Variants in DOCK1 observed in about 807,000 individuals in gnomAD.
DOCK1 encodes the protein dedicator of cytokinesis protein 1.
DOCK1 carries 138 observed loss-of-function variants against 262.7 expected under a neutral mutation model. The ratio of observed to expected loss-of-function variants is 0.53; its 90% CI spans 0.46 to 0.61. The LOEUF (loss-of-function observed/expected upper bound fraction) is 0.61. DOCK1 is among the 20% of genes least tolerant of loss of function. The probability of loss-of-function intolerance (pLI) is 0.00; values close to 1 mark genes in which losing one functional copy is unlikely to be tolerated. For missense variants in DOCK1, 1,908 were observed against 2,370.7 expected (o/e 0.80, Z 4.05); for synonymous variants, 866 against 867.4 (o/e 1.00, Z 0.03).
At chr10:126,906,820 C>G (rs2030948727) in intron 1 of DOCK1, among the ~76,000 whole-genome samples, 1 of 152,204 alleles carries the variant, frequency 6.6e-6, no homozygotes, top group South Asian at 2.1e-4. Flanking sequence ...ACAGTATGCC[C>G]TGACCACGGA....
rs1413100110 is a variant in DOCK1 at position 127,196,725 on chromosome 10, A to AGG, written c.2848-51283_2848-51282insGG. On this transcript the variant is annotated intron_variant, in intron 27 of 51. Coordinates refer to ENST00000623213, the MANE Select transcript of DOCK1 (RefSeq NM_001290223.2). ...CCGCCAGAGCTGGAGGAGGAGGAGGAAGAGGAGGAGGAGGTGGAAGGAGCT... is the reference window on the plus strand; with the variant it reads ...CCGCCAGAGCTGGAGGAGGAGGAGGAGGAGAGGAGGAGGAGGTGGAAGGAGCT... Among the ~76,000 whole-genome samples, 23 of 103,284 alleles carry AGG rather than the reference A, an allele frequency of 2.2e-4. No homozygotes were observed. In the East Asian group the frequency reaches 7.7e-3, roughly 34 times the overall value. 67.8% of individuals were successfully genotyped at this position (103,284 alleles called of 152,430 possible). A position where few individuals can be genotyped will look rare whatever the true frequency, so the allele number is the denominator to read the frequency against.
intron 27 of DOCK1, chr10:127,137,834 G>A: frequency 6.2e-7 from 1 of 1,612,666 alleles, no homozygotes; most frequent in Non-Finnish European, 8.5e-7. Context: ...GACACCGTGA[G>A]TGTTAAAGGA....
chr10:127,082,878 C>T (rs1009248922), intron 23 of DOCK1, among the ~76,000 whole-genome samples: 3 of 152,186 alleles, frequency 2.0e-5, no homozygotes, highest in South Asian at 4.1e-4. Context: ...AACGACTGCT[C>T]ATTTTCCTGG....
chr10:127,433,022 C>G (rs1260094737), intron 47 of DOCK1, among the ~76,000 whole-genome samples: 1 of 152,210 alleles, frequency 6.6e-6, no homozygotes, highest in Admixed American at 6.5e-5. Context: ...GCATCGCGGT[C>G]TTTGAAGAAA....
intron 29 of DOCK1, among the ~76,000 whole-genome samples, chr10:127,325,771 C>T (rs2062722426): frequency 6.6e-6 from 1 of 152,230 alleles, no homozygotes; most frequent in Non-Finnish European, 1.5e-5. Flanking sequence ...ATGAGTAATT[C>T]GTTTACGAGG....
At chr10:127,120,661 C>T (rs2049501810) in intron 25 of DOCK1, among the ~76,000 whole-genome samples, 2 of 152,260 alleles carry the variant, frequency 1.3e-5, no homozygotes, top group South Asian at 4.1e-4. Flanking sequence ...GATTCACATA[C>T]CCCAATTGTT....
intron 29 of DOCK1, among the ~76,000 whole-genome samples, chr10:127,280,670 G>A (rs1309033457): frequency 6.6e-6 from 1 of 152,206 alleles, no homozygotes; most frequent in Non-Finnish European, 1.5e-5. Context: ...GCAGAGGCAA[G>A]CTACGTGCAG....
At chr10:126,908,137 GA>G (rs1564975222) in intron 1 of DOCK1, among the ~76,000 whole-genome samples, 1 of 149,514 alleles carries the variant, frequency 6.7e-6, no homozygotes, top group African/African-American at 2.4e-5. Flanking sequence ...GGGAGGGTGG[GA>G]GGGGAGCTGA....
At chr10:126,952,143 T>A (rs2036305104) in intron 1 of DOCK1, among the ~76,000 whole-genome samples, 1 of 152,062 alleles carries the variant, frequency 6.6e-6, no homozygotes, top group Non-Finnish European at 1.5e-5. Flanking sequence ...CTACCATGCC[T>A]GGCCAGCCTC....
chr10:127,000,429 A>G, intron 10 of DOCK1, 122 bp downstream of exon 10: 2 of 1,363,468 alleles, frequency 1.5e-6, no homozygotes, highest in South Asian at 3.3e-5. Context: ...TCTGCTGGAG[A>G]GAAAAAATAT....
chr10:127,236,659 G>C (rs1031991252), intron 27 of DOCK1, among the ~76,000 whole-genome samples: 5 of 151,384 alleles, frequency 3.3e-5, no homozygotes, highest in African/African-American at 1.2e-4. Flanking sequence ...CCATGAATAT[G>C]GTATATTCCT....
At chr10:126,942,050 A>C (rs994976738) in intron 1 of DOCK1, among the ~76,000 whole-genome samples, 30 of 151,440 alleles carry the variant, frequency 2.0e-4, no homozygotes, top group Non-Finnish European at 4.0e-4. Flanking sequence ...TTTGAGACGG[A>C]GTCTCGCTCT....
At chr10:127,442,256 A>G (rs10765096) in intron 49 of DOCK1, among the ~76,000 whole-genome samples, 49,275 of 151,904 alleles carry the variant, frequency 0.32, 8,527 homozygotes, top group East Asian at 0.56. Flanking sequence ...GCCCTGGCAC[A>G]GCTGACTCCT....
chr10:127,450,502 GTTTATTCACTCATTCA>G (rs528867796), intron 51 of DOCK1, among the ~76,000 whole-genome samples: 105 of 152,118 alleles, frequency 6.9e-4, no homozygotes, highest in Non-Finnish European at 1.3e-3. Flanking sequence ...CCACTGACTC[GTTTATTCACTCATTCA>G]TTTATTCACT....
chr10:127,065,835 CAA>C (rs1233639444), intron 23 of DOCK1, among the ~76,000 whole-genome samples: 3 of 144,588 alleles, frequency 2.1e-5, no homozygotes, highest in African/African-American at 7.7e-5. Flanking sequence ...GCCTGGGCAA[CAA>C]GAGCAAAACT....
intron 29 of DOCK1, among the ~76,000 whole-genome samples, chr10:127,301,550 G>A (rs777300124): frequency 5.9e-5 from 9 of 152,280 alleles, no homozygotes; most frequent in East Asian, 3.9e-4. Flanking sequence ...TGTGGTCACC[G>A]GTGAATATAT....
intron 27 of DOCK1, among the ~76,000 whole-genome samples, chr10:127,226,834 G>A (rs2058661402): frequency 6.6e-6 from 1 of 152,036 alleles, no homozygotes; most frequent in Admixed American, 6.6e-5. Flanking sequence ...ACTTCTACCT[G>A]GACTGCCTTT....
intron 29 of DOCK1, among the ~76,000 whole-genome samples, chr10:127,312,828 T>C (rs2062114351): frequency 7.1e-6 from 1 of 141,670 alleles, no homozygotes; most frequent in South Asian, 2.4e-4. Flanking sequence ...CTTCCCTCCT[T>C]CTCTCCCTCC....
chr10:127,238,586 T>C (rs1456499226), intron 27 of DOCK1, among the ~76,000 whole-genome samples: 2 of 152,160 alleles, frequency 1.3e-5, no homozygotes, highest in Non-Finnish European at 2.9e-5. Flanking sequence ...TGTAGACACA[T>C]GGATTTTTTT....
Sources: allele counts gnomAD v4.1 joint callset (sites outside exome capture counted in the v4.1 genomes callset), GRCh38; gene constraint gnomAD v4.1.1; transcripts MANE v1.5; gene names NCBI Gene and HGNC (gene_info 2026-07-23, HGNC 2026-07-21).